AKNA: variants seen among roughly 807,000 people sequenced by gnomAD.
AKNA encodes the protein microtubule organization protein AKNA.
AKNA carries 67 observed loss-of-function variants against 138.8 expected under a neutral mutation model. The observed-to-expected ratio is 0.48, with a 90% confidence interval of 0.40 to 0.59. The LOEUF (loss-of-function observed/expected upper bound fraction) is 0.59, where lower values mean the gene tolerates loss of function less well. Ranked by LOEUF, AKNA falls within the 20% of genes least tolerant of loss-of-function variation. The pLI is 0.00. For synonymous variants in AKNA, 737 were observed against 754.4 expected (o/e 0.98, Z 0.38); for missense variants, 1,813 against 1,880.4 (o/e 0.96, Z 0.66).
chr9:114,347,906 G>C lies in AKNA; in HGVS notation c.3222-6C>G. The C allele has an allele frequency of 1.3e-6, 2 of 1,550,694 alleles. No homozygotes were observed. Among genetic ancestry groups the C allele is most frequent in the Non-Finnish European group, 1.7e-6 (2 of 1,146,928 alleles). On this transcript the variant is annotated splice_polypyrimidine_tract_variant and splice_region_variant and intron_variant, in intron 15 of 21. Transcript: ENST00000374088. The stretch of plus-strand genomic sequence containing the variant: ...GCAGCTCACAGATGGCCTGGCTGGG[G>C]TTGGAGTGGAGACAGAAACAAAGAA...
chr9:114,331,629 G>T, downstream of AKNA: 1 of 1,613,978 alleles, frequency 6.2e-7, no homozygotes. Flanking sequence ...CTTGATGTTT[G>T]GTTCCTACCT....
chr9:114,365,994 T>C (rs1394427634), intron 6 of AKNA, among the ~76,000 whole-genome samples: 2 of 152,140 alleles, frequency 1.3e-5, no homozygotes, highest in East Asian at 1.9e-4. Flanking sequence ...GAACCAAGAA[T>C]GGTGGTGGCA....
At chr9:114,380,439 G>A (rs903303211) in intron 2 of AKNA, among the ~76,000 whole-genome samples, 12 of 152,188 alleles carry the variant, frequency 7.9e-5, no homozygotes, top group African/African-American at 2.9e-4. Context: ...TTACAAGGAA[G>A]CATGTAGAAT....
Position 114,337,012 on chromosome 9 carries a change from T to TGGGGGGGGGGGGGGGGGG in AKNA, c.*41_*42insCCCCCCCCCCCCCCCCCC. ...CCCACTCCTGGCCTGGCAGGCCACC[T>TGGGGGGGGGGGGGGGGGG]GCCCACCCACCCACCCATCTGCCTC... On this transcript the variant is annotated 3_prime_UTR_variant, in exon 22 of 22. Coordinates refer to ENST00000374088, the MANE Select transcript of AKNA (RefSeq NM_001317950.2). The TGGGGGGGGGGGGGGGGGG allele has an allele frequency of 7.0e-5, 85 of 1,208,192 alleles. No homozygotes were observed. The highest frequency in any genetic ancestry group is 6.7e-5 in the Non-Finnish European group (62 of 929,336). The allele number at this position is 1,208,192 out of a possible 1,614,324, so 74.8% of individuals were successfully genotyped here. A position where few individuals can be genotyped will look rare whatever the true frequency, so the allele number is the denominator to read the frequency against.
intron 19 of AKNA, 23 bp from the exon 20 acceptor site, chr9:114,342,148 CAG>C: frequency 6.6e-7 from 1 of 1,512,610 alleles, no homozygotes; most frequent in Admixed American, 2.1e-5. Flanking sequence ...GAAGAGATGT[CAG>C]GGGAGGATTA....
At chr9:114,348,886 C>T (rs192491462) in intron 15 of AKNA, 1 of 456,318 alleles carries the variant, frequency 2.2e-6, no homozygotes, top group East Asian at 6.9e-5. Context: ...GCCGTTCTTG[C>T]CTGGTGGCCC....
At chr9:114,348,741 C>A in intron 15 of AKNA, 1 of 407,264 alleles carries the variant, frequency 2.5e-6, no homozygotes. Context: ...GACAATCCTA[C>A]CCAGATACCC....
intron 14 of AKNA, among the ~76,000 whole-genome samples, chr9:114,352,607 A>AT (rs1831206114): frequency 6.6e-6 from 1 of 151,066 alleles, no homozygotes; most frequent in African/African-American, 2.4e-5. Context: ...AAAAAAAAAA[A>AT]GTTTAATTAA....
chr9:114,363,171 G>GGAGT (rs932685128), intron 7 of AKNA, among the ~76,000 whole-genome samples: 1 of 152,260 alleles, frequency 6.6e-6, no homozygotes, highest in Non-Finnish European at 1.5e-5. Context: ...TGAAGGTCAT[G>GGAGT]GAGTGAGTGA....
chr9:114,359,346 G>A, intron 11 of AKNA: 1 of 731,118 alleles, frequency 1.4e-6, no homozygotes, highest in South Asian at 1.9e-5. Context: ...TGGGATTACA[G>A]GCATGAGCCA....
chr9:114,356,043 T>G lies in AKNA; in HGVS notation c.2940A>C (p.Arg980Ser). The G allele has an allele frequency of 6.2e-7, 1 of 1,614,136 alleles. No homozygotes were observed. ...PKARGSLIPR[R>S]ATEPSTPRSQ... ...TCCGGGGTGTGCTGGGCTCTGTGGC[T>G]CTTCTGGGAATCAGAGAACCCCTGG... Residue 980 changes from arginine to serine, a missense_variant, in exon 14 of 22, where the codon AGA becomes AGC. Transcript: ENST00000374088.
intron 6 of AKNA, among the ~76,000 whole-genome samples, chr9:114,365,617 C>T (rs754139497): frequency 1.3e-5 from 2 of 151,774 alleles, no homozygotes; most frequent in African/African-American, 2.4e-5. Context: ...TGAGCTACAC[C>T]ATCTATAATT....
Position 114,365,240 on chromosome 9 carries a change from G to A in AKNA, c.1729-621C>T, listed in dbSNP as rs562668826. Among the ~76,000 whole-genome samples the A allele has an allele frequency of 1.6e-4, 24 of 152,284 alleles. No individual in the cohort carries two copies. The South Asian group carries it at 2.9e-3, about 18-fold the overall frequency. On this transcript the variant is annotated intron_variant, in intron 6 of 21. Transcript: ENST00000374088. ...TAGATTTTTCTACTACATGTCCTTTGCATCCTTTGAAATCTGAACAATGTG... is the reference window on the plus strand; with the variant it reads ...TAGATTTTTCTACTACATGTCCTTTACATCCTTTGAAATCTGAACAATGTG...
Position 114,341,978 on chromosome 9 carries a change from G to A in AKNA, c.3874+31C>T, listed in dbSNP as rs1588942497. On this transcript the variant is annotated intron_variant, in intron 20 of 21. Transcript: ENST00000374088. ...CCTGGTCAAGGAGAGCTGAGGGTCT[G>A]GCTAAGAGAAGAAACAGTATTTGTC... is the stretch of plus-strand genomic sequence containing the variant. The A allele has an allele frequency of 1.9e-6, 3 of 1,582,074 alleles. No homozygotes were observed. In the African/African-American group the frequency reaches 4.0e-5, roughly 21 times the overall value.
At chr9:114,330,843 T>C (rs1829839726), downstream of AKNA, 1 of 1,613,846 alleles carries the variant, frequency 6.2e-7, no homozygotes, top group South Asian at 1.1e-5. Flanking sequence ...AGCGGGAGAA[T>C]GGGACCGTCT....
At chr9:114,387,112 G>A (rs980333753) in intron 1 of AKNA, among the ~76,000 whole-genome samples, 1 of 152,166 alleles carries the variant, frequency 6.6e-6, no homozygotes, top group Non-Finnish European at 1.5e-5. Context: ...GATGTGTCAG[G>A]GAGATGGGGA....
At chr9:114,350,160 T>C (rs1415246700) in intron 15 of AKNA, among the ~76,000 whole-genome samples, 1 of 152,176 alleles carries the variant, frequency 6.6e-6, no homozygotes, top group Non-Finnish European at 1.5e-5. Flanking sequence ...ATTCCTCCAC[T>C]GATGTCAGGG....
chr9:114,379,405 T>C (rs1335808451), intron 2 of AKNA, among the ~76,000 whole-genome samples: 1 of 152,238 alleles, frequency 6.6e-6, no homozygotes. Context: ...AGCAGGGGGT[T>C]ACCATGTGAC....
At chr9:114,383,058 C>G (rs144596440) in intron 1 of AKNA, 1 of 448,514 alleles carries the variant, frequency 2.2e-6, no homozygotes, top group Non-Finnish European at 4.5e-6. Flanking sequence ...AGCAAGCCTA[C>G]CAGGGGCTTT....
Sources: allele counts gnomAD v4.1 joint callset (sites outside exome capture counted in the v4.1 genomes callset), GRCh38; gene constraint gnomAD v4.1.1; transcripts MANE v1.5; gene names NCBI Gene and HGNC (gene_info 2026-07-23, HGNC 2026-07-21).